CXCL12: variants seen among roughly 807,000 people sequenced by gnomAD.
CXCL12 encodes C-X-C motif chemokine ligand 12.
In CXCL12, 4 loss-of-function variants were observed where a neutral mutation model predicts 10.7. That is an observed-to-expected ratio of 0.37 (90% confidence interval 0.18 to 0.86). The LOEUF (loss-of-function observed/expected upper bound fraction) is 0.86. CXCL12 is among the 40% of genes least tolerant of loss of function. The pLI, the probability that CXCL12 is intolerant of heterozygous loss-of-function variation, is 0.43. For missense variants in CXCL12, 122 were observed against 110.4 expected, an observed-to-expected ratio of 1.10 and a Z score of -0.47; for synonymous variants, 54 against 45.4, an observed-to-expected ratio of 1.19 and a Z score of -0.77.
Position 44,378,425 on chromosome 10 carries a change from A to T in CXCL12, c.*208T>A, listed in dbSNP as rs965057216. The stretch of plus-strand genomic sequence containing the variant: ...CAGGTACAGGGCATGGATGAATATA[A>T]GCTGCAATATCATACCGTATGCTAT... On this transcript the variant is annotated 3_prime_UTR_variant, in exon 3 of 3. Coordinates refer to ENST00000343575, the MANE Select transcript of CXCL12 (RefSeq NM_199168.4). 9 of 1,553,086 alleles carry T rather than the reference A, an allele frequency of 5.8e-6. No homozygotes were observed. Among genetic ancestry groups the T allele is most frequent in the Non-Finnish European group, 7.8e-6 (9 of 1,152,588 alleles).
chr10:44,373,509 A>T (rs1839371474), downstream of CXCL12, among the ~76,000 whole-genome samples: 3 of 152,190 alleles, frequency 2.0e-5, no homozygotes, highest in Admixed American at 2.0e-4. Flanking sequence ...AACAGACGGG[A>T]GGGGAGTGCG....
chr10:44,382,035 G>C (rs1019592541), intron 1 of CXCL12, among the ~76,000 whole-genome samples: 1 of 152,148 alleles, frequency 6.6e-6, no homozygotes, highest in Non-Finnish European at 1.5e-5. Flanking sequence ...TCAATTGAGG[G>C]ATGATGTGGA....
chr10:44,376,909 G>A (rs962452884), downstream of CXCL12, among the ~76,000 whole-genome samples: 3 of 132,648 alleles, frequency 2.3e-5, no homozygotes, highest in Middle Eastern at 3.6e-3. Flanking sequence ...TATTTCAATC[G>A]GGTTAAAAAA....
downstream of CXCL12, chr10:44,375,978 T>C (rs1447468148): frequency 1.9e-6 from 3 of 1,613,610 alleles, no homozygotes; most frequent in African/African-American, 2.7e-5. Flanking sequence ...TCTTCTTCTG[T>C]CGCTTCTTTT....
chr10:44,383,358 G>A (rs1044352796), intron 1 of CXCL12, among the ~76,000 whole-genome samples: 1 of 152,156 alleles, frequency 6.6e-6, no homozygotes, highest in Non-Finnish European at 1.5e-5. Flanking sequence ...CAGGCCAGGA[G>A]GAGTCTGGGA....
intron 2 of CXCL12, 26 bp from the exon 3 acceptor site, chr10:44,378,749 T>G (rs977089773): frequency 6.2e-7 from 1 of 1,612,792 alleles, no homozygotes; most frequent in Non-Finnish European, 8.5e-7. Flanking sequence ...GGCAACAGTG[T>G]GCGGCTGCAC....
At chr10:44,373,445 C>A, downstream of CXCL12, 1 of 1,045,974 alleles carries the variant, frequency 9.6e-7, no homozygotes, top group Non-Finnish European at 1.5e-6. Flanking sequence ...GGGGCCAATC[C>A]CTACTTCCAA....
At position 44,385,067 on chromosome 10, in the gene CXCL12, C is replaced by G. The variant is rs1013955523; in HGVS notation, c.-62G>C. 1 of 1,267,988 alleles carries G rather than the reference C, an allele frequency of 7.9e-7. No individual in the cohort carries two copies. Among genetic ancestry groups the G allele is most frequent in the East Asian group, 3.1e-5 (1 of 32,438 alleles). 78.5% of individuals were successfully genotyped at this position (1,267,988 alleles called of 1,614,324 possible). A position where few individuals can be genotyped will look rare whatever the true frequency, so the allele number is the denominator to read the frequency against. On this transcript the variant is annotated 5_prime_UTR_variant, in exon 1 of 3. Coordinates refer to ENST00000343575, the MANE Select transcript of CXCL12 (RefSeq NM_199168.4). ...GGTCGGGGGCCGGACGCCGAGCGGG[C>G]AATGCGGCTGACGGAGAGTGAAAGT...
chr10:44,372,621 G>A, downstream of CXCL12: 1 of 1,332,474 alleles, frequency 7.5e-7, no homozygotes, highest in Non-Finnish European at 9.6e-7. Flanking sequence ...CTTTGGTCCT[G>A]AGAGTCCTTT....
chr10:44,375,935 A>G (rs1030348443), downstream of CXCL12: 3 of 1,611,278 alleles, frequency 1.9e-6, 1 homozygote. Context: ...GAGGTGGCAG[A>G]TAACTAGTTT....
At chr10:44,384,529 T>G (rs549812960) in intron 1 of CXCL12, among the ~76,000 whole-genome samples, 2 of 152,282 alleles carry the variant, frequency 1.3e-5, no homozygotes, top group Admixed American at 6.5e-5. Flanking sequence ...CCTCCAGCAC[T>G]GTGCGCAGCA....
chr10:44,379,893 G>A (rs1839574446), intron 2 of CXCL12, among the ~76,000 whole-genome samples: 1 of 152,214 alleles, frequency 6.6e-6, no homozygotes, highest in Non-Finnish European at 1.5e-5. Context: ...AGGCAGTAAA[G>A]GGTTAACTCA....
At chr10:44,373,416 C>T (rs266090), downstream of CXCL12, 62,877 of 1,349,348 alleles carry the variant, frequency 0.047, 1,820 homozygotes, top group South Asian at 0.1. Flanking sequence ...AGAAGGACAG[C>T]GGCCTGCGCG....
chr10:44,378,212 C>A lies in CXCL12; in HGVS notation c.*421G>T. 2 of 1,448,468 alleles carry A rather than the reference C, an allele frequency of 1.4e-6. No homozygotes were observed. The highest frequency in any genetic ancestry group is 1.2e-5 in the South Asian group (1 of 81,266). 89.7% of individuals were successfully genotyped at this position (1,448,468 alleles called of 1,614,324 possible). Reference sequence around the variant, plus strand: ...GCCACCACCTGACTGTGCCCAGACTCCCCAGGGGAGCAGAGGAGATGCTCC... The same window carrying A: ...GCCACCACCTGACTGTGCCCAGACTACCCAGGGGAGCAGAGGAGATGCTCC... On this transcript the variant is annotated 3_prime_UTR_variant, in exon 3 of 3. Transcript: ENST00000343575.
Position 44,385,061 on chromosome 10 carries a change from A to G in CXCL12, c.-56T>C, listed in dbSNP as rs2132056427. The G allele has an allele frequency of 2.3e-6, 3 of 1,312,604 alleles. No individual in the cohort carries two copies. In the Admixed American group the frequency reaches 8.1e-5, roughly 36 times the overall value. 81.3% of individuals were successfully genotyped at this position (1,312,604 alleles called of 1,614,324 possible). A position where few individuals can be genotyped will look rare whatever the true frequency, so the allele number is the denominator to read the frequency against. On this transcript the variant is annotated 5_prime_UTR_variant, in exon 1 of 3. Coordinates refer to ENST00000343575, the MANE Select transcript of CXCL12 (RefSeq NM_199168.4). ...AGCGCGGGTCGGGGGCCGGACGCCG[A>G]GCGGGCAATGCGGCTGACGGAGAGT...
downstream of CXCL12, chr10:44,377,049 C>G (rs1839476298): frequency 1.0e-6 from 1 of 981,390 alleles, no homozygotes; most frequent in South Asian, 4.7e-5. Flanking sequence ...ACTATATAAA[C>G]CAGAAACGTC....
chr10:44,379,798 T>C (rs1211335230), intron 2 of CXCL12, among the ~76,000 whole-genome samples: 1 of 152,254 alleles, frequency 6.6e-6, no homozygotes, highest in Non-Finnish European at 1.5e-5. Context: ...TCACAAGAGA[T>C]AAAGTATCAT....
chr10:44,372,230 G>A (rs1049286572), downstream of CXCL12: 2 of 152,540 alleles, frequency 1.3e-5, no homozygotes, highest in Non-Finnish European at 2.9e-5. Context: ...TAGTTTGAAG[G>A]TACTGACATG....
At chr10:44,374,788 G>A, downstream of CXCL12, 1 of 418,738 alleles carries the variant, frequency 2.4e-6, no homozygotes, top group South Asian at 1.8e-5. Flanking sequence ...TATGACCCAG[G>A]ATCCGGGTGC....
Sources: allele counts gnomAD v4.1 joint callset (sites outside exome capture counted in the v4.1 genomes callset), GRCh38; gene constraint gnomAD v4.1.1; transcripts MANE v1.5; gene names NCBI Gene and HGNC (gene_info 2026-07-23, HGNC 2026-07-21).